The following SH3GL2 variants were observed in gnomAD, a reference collection of about 807,000 sequenced individuals.
SH3GL2 encodes SH3 domain containing GRB2 like 2, endophilin A1.
Under a neutral mutation model 46.0 loss-of-function variants are expected in SH3GL2, and 24 were observed. The observed-to-expected ratio is 0.52, with a 90% CI of 0.38 to 0.73. The LOEUF is 0.73. SH3GL2 is among the 30% of genes least tolerant of loss of function. The pLI is 0.00. For missense variants in SH3GL2, 413 were observed against 424.2 expected, an observed-to-expected ratio of 0.97 and a Z score of 0.23; for synonymous variants, 196 against 147.1, an observed-to-expected ratio of 1.33 and a Z score of -2.40.
intron 1 of SH3GL2, among the ~76,000 whole-genome samples, chr9:17,742,732 A>G (rs1822561708): frequency 6.6e-6 from 1 of 152,228 alleles, no homozygotes; most frequent in South Asian, 2.1e-4. Context: ...TATGGGAAGT[A>G]TAATAGATTA....
intron 1 of SH3GL2, among the ~76,000 whole-genome samples, chr9:17,633,157 C>T (rs1300639073): frequency 6.6e-6 from 1 of 152,126 alleles, no homozygotes; most frequent in Non-Finnish European, 1.5e-5. Context: ...AGTGAGTGTG[C>T]CCTCAGGAGG....
intron 3 of SH3GL2, among the ~76,000 whole-genome samples, chr9:17,769,293 CAA>C (rs1286581578): frequency 6.6e-6 from 1 of 152,216 alleles, no homozygotes; most frequent in African/African-American, 2.4e-5. Flanking sequence ...TTGTACACTG[CAA>C]AGAGCCCAAT....
rs555028835 is a variant in SH3GL2, at chr9:17,796,846, CT to C, written c.*1104del. On this transcript the variant is annotated 3_prime_UTR_variant, in exon 9 of 9. Transcript: ENST00000380607. ...CCCAATTCAGTCGCTACTTTTACTT[CT>C]GCCCTTTCTATCCATCGTCTTCATT... 3.3e-5 allele frequency: 5 copies of C among 152,680 alleles called. No individual in the cohort carries two copies. The highest frequency in any genetic ancestry group is 2.1e-4 in the South Asian group (1 of 4,834). 9.5% of individuals were successfully genotyped at this position (152,680 alleles called of 1,614,324 possible).
chr9:17,780,107 A>G (rs1365648830), intron 3 of SH3GL2, among the ~76,000 whole-genome samples: 2 of 152,212 alleles, frequency 1.3e-5, no homozygotes, highest in Admixed American at 6.5e-5. Flanking sequence ...TCTGTAACAT[A>G]CAAAAAGTAC....
intron 1 of SH3GL2, among the ~76,000 whole-genome samples, chr9:17,657,329 T>C (rs1325002871): frequency 6.6e-6 from 1 of 152,140 alleles, no homozygotes; most frequent in African/African-American, 2.4e-5. Flanking sequence ...TGACCTGTTG[T>C]AAAATCTGGA....
intron 1 of SH3GL2, among the ~76,000 whole-genome samples, chr9:17,579,715 C>G (rs1324906721): frequency 6.6e-6 from 1 of 152,148 alleles, no homozygotes; most frequent in African/African-American, 2.4e-5. Flanking sequence ...TTGGCATGAG[C>G]GGTGGCCGCA....
chr9:17,754,994 T>A (rs143511411), intron 2 of SH3GL2, among the ~76,000 whole-genome samples: 1 of 152,202 alleles, frequency 6.6e-6, no homozygotes, highest in East Asian at 1.9e-4. Flanking sequence ...TCTTGCCTAA[T>A]TGGCCTGGTC....
At chr9:17,726,086 T>A (rs1424183703) in intron 1 of SH3GL2, among the ~76,000 whole-genome samples, 1 of 152,154 alleles carries the variant, frequency 6.6e-6, no homozygotes, top group African/African-American at 2.4e-5. Flanking sequence ...TGTATGCCCT[T>A]AGGAAAATTT....
intron 3 of SH3GL2, among the ~76,000 whole-genome samples, chr9:17,775,593 T>C (rs1458616936): frequency 6.6e-6 from 1 of 152,204 alleles, no homozygotes; most frequent in Non-Finnish European, 1.5e-5. Context: ...TAGCAATTAA[T>C]GAATACTACT....
intron 1 of SH3GL2, among the ~76,000 whole-genome samples, chr9:17,599,872 C>T (rs1052731424): frequency 5.3e-5 from 8 of 150,932 alleles, no homozygotes; most frequent in East Asian, 3.9e-4. Flanking sequence ...AAAATATAAA[C>T]GGTGAATATA....
At chr9:17,606,778 A>G (rs1818768270) in intron 1 of SH3GL2, among the ~76,000 whole-genome samples, 1 of 152,226 alleles carries the variant, frequency 6.6e-6, no homozygotes, top group South Asian at 2.1e-4. Context: ...CATATCCTGC[A>G]GTGCTGAAAA....
At chr9:17,717,645 C>A (rs145200864) in intron 1 of SH3GL2, among the ~76,000 whole-genome samples, 1 of 151,928 alleles carries the variant, frequency 6.6e-6, no homozygotes, top group Non-Finnish European at 1.5e-5. Context: ...TCAGACAAAG[C>A]GGGGGAAGAG....
At chr9:17,638,733 G>T (rs1382435895) in intron 1 of SH3GL2, among the ~76,000 whole-genome samples, 2 of 152,192 alleles carry the variant, frequency 1.3e-5, no homozygotes, top group African/African-American at 4.8e-5. Flanking sequence ...ATATCAACAG[G>T]TAGGTGGGCC....
chr9:17,790,588 C>T (rs980026563), intron 6 of SH3GL2, among the ~76,000 whole-genome samples: 3 of 152,184 alleles, frequency 2.0e-5, no homozygotes, highest in Non-Finnish European at 4.4e-5. Context: ...CCCTCCCCAT[C>T]CCCAAATTCA....
chr9:17,750,422 C>T (rs919434211), intron 2 of SH3GL2, among the ~76,000 whole-genome samples: 3 of 152,064 alleles, frequency 2.0e-5, no homozygotes, highest in African/African-American at 2.4e-5. Context: ...GCCGCCCCAG[C>T]CACTCTGTGG....
At chr9:17,689,106 GA>G in intron 1 of SH3GL2, among the ~76,000 whole-genome samples, 1 of 152,160 alleles carries the variant, frequency 6.6e-6, no homozygotes, top group East Asian at 1.9e-4. Flanking sequence ...ATGATGTGAT[GA>G]AAATGGCACT....
At chr9:17,631,699 C>A (rs771416954) in intron 1 of SH3GL2, among the ~76,000 whole-genome samples, 1 of 152,102 alleles carries the variant, frequency 6.6e-6, no homozygotes, top group African/African-American at 2.4e-5. Context: ...TTTAAAACAT[C>A]CTTTATTCTC....
intron 1 of SH3GL2, among the ~76,000 whole-genome samples, chr9:17,667,180 T>C (rs1305686029): frequency 6.6e-6 from 1 of 152,196 alleles, no homozygotes; most frequent in South Asian, 2.1e-4. Flanking sequence ...AATACTTTTT[T>C]CTAGCTTGTC....
chr9:17,614,315 A>AC (rs1007997937), intron 1 of SH3GL2, among the ~76,000 whole-genome samples: 2 of 151,102 alleles, frequency 1.3e-5, no homozygotes, highest in African/African-American at 4.9e-5. Flanking sequence ...AAAAAAAAAA[A>AC]AAAAAAAATC....
Sources: gnomAD v4.1 joint callset for allele counts (sites outside exome capture counted in the v4.1 genomes callset) on GRCh38, gnomAD v4.1.1 for gene constraint, MANE v1.5 for transcripts, NCBI Gene and HGNC (gene_info 2026-07-23, HGNC 2026-07-21) for gene names.